Variants in CYFIP1 observed in about 807,000 individuals in gnomAD.
The protein encoded by CYFIP1 is cytoplasmic FMR1 interacting protein 1.
In CYFIP1, 58 loss-of-function variants were observed where a neutral mutation model predicts 163.5. That is an observed-to-expected ratio of 0.35 (90% CI 0.29 to 0.44). CYFIP1 has a LOEUF of 0.44. Ranked by LOEUF, CYFIP1 falls within the 20% of genes least tolerant of loss-of-function variation. CYFIP1 has a pLI of 1.00. For missense variants in CYFIP1, 1,338 were observed against 1,653.8 expected (o/e 0.81, Z 3.31); for synonymous variants, 663 against 660.7 (o/e 1.00, Z -0.05).
intron 1 of CYFIP1, among the ~76,000 whole-genome samples, chr15:22,968,697 G>C (rs187688533): frequency 2.4e-4 from 37 of 152,276 alleles, no homozygotes; most frequent in African/African-American, 7.7e-4. Context: ...TGGTCTCCTT[G>C]ACAGGAACAA....
intron 1 of CYFIP1, chr15:22,951,569 C>G (rs1388174897): frequency 1.6e-6 from 2 of 1,285,678 alleles, no homozygotes; most frequent in South Asian, 2.5e-5. Flanking sequence ...GCAGTCTGCC[C>G]TTTCTGCGGC....
At chr15:22,875,378 G>C (rs1214031121) in intron 26 of CYFIP1, 107 bp from the exon 27 acceptor site, 1 of 921,758 alleles carries the variant, frequency 1.1e-6, no homozygotes. Flanking sequence ...AATAAACTCT[G>C]TAAGTTTATT....
rs2059379245 is a variant in CYFIP1, at chr15:22,870,013, G to A, written c.*15C>T. On this transcript the variant is annotated 3_prime_UTR_variant, in exon 31 of 31. Transcript: ENST00000617928. The stretch of plus-strand genomic sequence containing the variant: ...AAGGCATGCCATGTTGAGTTACGGA[G>A]TGCAGCGCGTGCCCTCAGCTGCTGG... 6.3e-7 allele frequency: 1 copy of A among 1,579,748 alleles called. No homozygotes were observed. The highest frequency in any genetic ancestry group is 8.6e-7 in the Non-Finnish European group (1 of 1,167,858).
intron 1 of CYFIP1, among the ~76,000 whole-genome samples, chr15:22,960,963 T>C (rs1034844800): frequency 6.6e-6 from 1 of 152,174 alleles, no homozygotes; most frequent in Non-Finnish European, 1.5e-5. Context: ...CTTCTGTTTT[T>C]ATAATTTAAT....
In CYFIP1 at chr15:22,873,610, G is replaced by A. The variant is rs199756669; in HGVS notation, c.3330C>T (p.Arg1110=). 226 of 1,614,244 alleles carry A rather than the reference G, an allele frequency of 1.4e-4. No homozygotes were observed. Among genetic ancestry groups the A allele is most frequent in the Middle Eastern group, 1.2e-3 (7 of 6,062 alleles). ...TGACCCCATTGCTGGGCAGAGGCCC[G>A]CGCCAGATGGGGTCATCCAGAAAGC... The part of the protein sequence containing the change: ...IRSFLDDPIW[R]GPLPSNGVMH... Residue 1110 remains arginine, a synonymous_variant, in exon 29 of 31, where the codon CGC becomes CGT. Coordinates refer to ENST00000617928, the MANE Select transcript of CYFIP1 (RefSeq NM_014608.6).
chr15:22,914,833 G>A lies in CYFIP1; in HGVS notation c.1878C>T (p.Phe626=), dbSNP rs771041077. The A allele has an allele frequency of 6.2e-7, 1 of 1,613,602 alleles. No homozygotes were observed. The highest frequency in any genetic ancestry group is 8.5e-7 in the Non-Finnish European group (1 of 1,179,802). ...TCCTGCCCATGGTCAGCTCCAGGAA[G>A]AACTCTCGGAACCACAGCTGCGAAA... ...CDLSQLWFRE[F]FLELTMGRRI... The change falls in exon 17 of 31, where the codon TTC becomes TTT. Residue 626 remains phenylalanine (F), a synonymous_variant. Transcript: ENST00000617928.
At chr15:22,918,191 C>G (rs1449216655) in intron 14 of CYFIP1, among the ~76,000 whole-genome samples, 1 of 152,220 alleles carries the variant, frequency 6.6e-6, no homozygotes. Flanking sequence ...CCCAGGGCAG[C>G]AGTGAGGTGG....
chr15:22,931,700 A>AAAAAAAAAAAAAAAAAAAAAAAC (rs2061542771), intron 11 of CYFIP1, among the ~76,000 whole-genome samples: 1 of 150,716 alleles, frequency 6.6e-6, no homozygotes, highest in Non-Finnish European at 1.5e-5. Context: ...AAAAAAAAAA[A>AAAAAAAAAAAAAAAAAAAAAAAC]AAAAAAAAAA....
chr15:22,873,132 G>A (rs572466039), intron 29 of CYFIP1, among the ~76,000 whole-genome samples, 160 bp from the exon 30 acceptor site: 1 of 152,270 alleles, frequency 6.6e-6, no homozygotes, highest in African/African-American at 2.4e-5. Flanking sequence ...GCAGCCAGGT[G>A]GCTGTTCCCT....
intron 22 of CYFIP1, among the ~76,000 whole-genome samples, chr15:22,897,394 T>C (rs1311305342): frequency 6.6e-6 from 1 of 151,786 alleles, no homozygotes; most frequent in African/African-American, 2.4e-5. Context: ...GATCTTGTCA[T>C]GATGAATTTT....
chr15:22,897,779 C>A (rs955244567), intron 22 of CYFIP1, among the ~76,000 whole-genome samples: 1 of 152,176 alleles, frequency 6.6e-6, no homozygotes, highest in African/African-American at 2.4e-5. Context: ...CCACTGTGCC[C>A]AGCCTCAACA....
At chr15:22,899,691 C>T (rs912054763) in intron 22 of CYFIP1, among the ~76,000 whole-genome samples, 2 of 152,106 alleles carry the variant, frequency 1.3e-5, no homozygotes, top group Admixed American at 6.5e-5. Flanking sequence ...ATGTCTTTAT[C>T]GGCAGTGTGA....
Position 22,867,193 on chromosome 15 carries a change from C to T in CYFIP1, c.*2835G>A, listed in dbSNP as rs768556681. ...ATGAAAGTCTGAAATGTGCATTTGTCATCCCCACTCCATCAATCCCTGACC... is the reference window on the plus strand; with the variant it reads ...ATGAAAGTCTGAAATGTGCATTTGTTATCCCCACTCCATCAATCCCTGACC... On this transcript the variant is annotated 3_prime_UTR_variant, in exon 31 of 31. Transcript: ENST00000617928. The T allele has an allele frequency of 2.3e-6, 1 of 428,794 alleles. No homozygotes were observed. The highest frequency in any genetic ancestry group is 4.1e-6 in the Non-Finnish European group (1 of 244,810). The allele number at this position is 428,794 out of a possible 1,614,324, so 26.6% of individuals were successfully genotyped here.
At chr15:22,942,274 A>C (rs1423758473) in intron 6 of CYFIP1, among the ~76,000 whole-genome samples, 4 of 152,224 alleles carry the variant, frequency 2.6e-5, no homozygotes, top group Non-Finnish European at 5.9e-5. Context: ...ACATAACTAG[A>C]GCATATTCAG....
rs2059700656 is a variant in CYFIP1 at position 22,879,859 on chromosome 15, G to A, written c.3042+54C>T. On this transcript the variant is annotated intron_variant, in intron 26 of 30. Coordinates refer to ENST00000617928, the MANE Select transcript of CYFIP1 (RefSeq NM_014608.6). ...AAAGAAAGCCCTCCCCTGGCCGGTG[G>A]GGTGGGGTGGGGTGGGCTGGGGCGG... is the stretch of plus-strand genomic sequence containing the variant. 7.5e-6 allele frequency: 10 copies of A among 1,330,356 alleles called. No homozygotes were observed. The East Asian group carries it at 1.5e-4, about 20-fold the overall frequency. 82.4% of individuals were successfully genotyped at this position (1,330,356 alleles called of 1,614,324 possible).
chr15:22,901,311 C>A (rs531896042), intron 22 of CYFIP1, among the ~76,000 whole-genome samples: 38 of 152,232 alleles, frequency 2.5e-4, no homozygotes, highest in Middle Eastern at 3.4e-3. Flanking sequence ...ACGACCGGGA[C>A]AAATTTTAAT....
At chr15:22,896,713 G>C (rs553418782) in intron 22 of CYFIP1, among the ~76,000 whole-genome samples, 18 of 152,106 alleles carry the variant, frequency 1.2e-4, no homozygotes, top group African/African-American at 4.1e-4. Context: ...CTGAATCCTT[G>C]AGCACATGCA....
chr15:22,907,858 G>A (rs577080538), intron 21 of CYFIP1, among the ~76,000 whole-genome samples: 1 of 152,286 alleles, frequency 6.6e-6, no homozygotes, highest in South Asian at 2.1e-4. Context: ...ACACCTGAGT[G>A]GCAGGCCGGT....
chr15:22,898,520 C>T (rs1215127574), intron 22 of CYFIP1, among the ~76,000 whole-genome samples: 2 of 151,986 alleles, frequency 1.3e-5, no homozygotes, highest in African/African-American at 4.8e-5. Flanking sequence ...TTGTGTTTTA[C>T]GGTGGTAAAA....
Sources: gnomAD v4.1 joint callset for allele counts (sites outside exome capture counted in the v4.1 genomes callset) on GRCh38, gnomAD v4.1.1 for gene constraint, MANE v1.5 for transcripts, NCBI Gene and HGNC (gene_info 2026-07-23, HGNC 2026-07-21) for gene names.